The following CRACR2A variants were observed in gnomAD, a reference collection of about 807,000 sequenced individuals.
The protein encoded by CRACR2A is calcium release activated channel regulator 2A, also known as EF-hand calcium-binding domain-containing protein 4B.
In CRACR2A, 79 loss-of-function variants were observed where a neutral mutation model predicts 90.5. The observed-to-expected ratio is 0.87, with a 90% CI of 0.73 to 1.05. The LOEUF (loss-of-function observed/expected upper bound fraction) is 1.05. CRACR2A is among the 50% of genes least tolerant of loss of function. CRACR2A has a pLI of 0.00. For synonymous variants in CRACR2A, 338 were observed against 356.7 expected (o/e 0.95, Z 0.59); for missense variants, 823 against 897.2 (o/e 0.92, Z 1.06).
At chr12:3,694,666 GTTC>G (rs555403275) in intron 4 of CRACR2A, among the ~76,000 whole-genome samples, 2 of 152,290 alleles carry the variant, frequency 1.3e-5, no homozygotes, top group Middle Eastern at 3.4e-3. Context: ...GAAGCCTGTT[GTTC>G]TTCTTCTTCA....
intron 3 of CRACR2A, among the ~76,000 whole-genome samples, chr12:3,700,065 T>C (rs1945811803): frequency 6.6e-6 from 1 of 152,166 alleles, no homozygotes; most frequent in South Asian, 2.1e-4. Flanking sequence ...AGGATGGTGA[T>C]CCTTAAGCAG....
At chr12:3,710,613 T>G (rs897419900) in intron 3 of CRACR2A, among the ~76,000 whole-genome samples, 7 of 151,824 alleles carry the variant, frequency 4.6e-5, no homozygotes, top group African/African-American at 1.7e-4. Context: ...GCCAACATGG[T>G]GAAACCCCGT....
At position 3,654,315 on chromosome 12, in the gene CRACR2A, G is replaced by C. The variant is rs1219681517; in HGVS notation, c.943C>G (p.Leu315Val). 1.2e-6 allele frequency: 2 copies of C among 1,613,950 alleles called. No individual in the cohort carries two copies. The highest frequency in any genetic ancestry group is 1.7e-6 in the Non-Finnish European group (2 of 1,180,002). ...GAAGTCCGCTCCAGCTCCCGGGCCA[G>C]CTCCTGGTTAGTGAGTTTCAGCTTG... ...NTKLKLTNQE[L>V]ARELERTSWE... Residue 315 changes from leucine to valine, a missense_variant, in exon 10 of 20, where the codon CTG becomes GTG. Leu to Val is a conservative substitution (Grantham distance 32). Transcript: ENST00000440314.
At chr12:3,651,183 TCA>T (rs1944787702) in intron 10 of CRACR2A, among the ~76,000 whole-genome samples, 1 of 152,248 alleles carries the variant, frequency 6.6e-6, no homozygotes, top group Non-Finnish European at 1.5e-5. Flanking sequence ...ATGGAGCACT[TCA>T]CAAGCCATAC....
At chr12:3,721,102 C>T (rs73033625) in intron 2 of CRACR2A, among the ~76,000 whole-genome samples, 4,607 of 152,318 alleles carry the variant, frequency 0.03, 101 homozygotes, top group Non-Finnish European at 0.046. Context: ...AAGCAGCACG[C>T]ACCAGCACAG....
chr12:3,724,427 G>A (rs1008608718), intron 2 of CRACR2A, among the ~76,000 whole-genome samples: 11 of 152,196 alleles, frequency 7.2e-5, no homozygotes, highest in East Asian at 5.8e-4. Context: ...ATGGATCTGC[G>A]CTTCATCATG....
At chr12:3,750,223 C>T (rs1591731852) in intron 1 of CRACR2A, among the ~76,000 whole-genome samples, 1 of 150,076 alleles carries the variant, frequency 6.7e-6, no homozygotes, top group East Asian at 1.9e-4. Context: ...GTGTGAGCCA[C>T]CAAGCCTGGC....
chr12:3,739,692 T>C (rs1295857248), intron 1 of CRACR2A, among the ~76,000 whole-genome samples: 1 of 152,064 alleles, frequency 6.6e-6, no homozygotes, highest in Non-Finnish European at 1.5e-5. Flanking sequence ...TCCCAGCACT[T>C]TGGGAGGCCG....
At chr12:3,704,517 T>C (rs1945885488) in intron 3 of CRACR2A, among the ~76,000 whole-genome samples, 2 of 152,192 alleles carry the variant, frequency 1.3e-5, no homozygotes, top group South Asian at 4.1e-4. Flanking sequence ...TATACACATA[T>C]ACAAATGTAT....
chr12:3,700,945 C>T (rs932106717), intron 3 of CRACR2A, among the ~76,000 whole-genome samples: 1 of 152,096 alleles, frequency 6.6e-6, no homozygotes, highest in African/African-American at 2.4e-5. Flanking sequence ...CAAGATAATC[C>T]ATATTCTGGG....
At chr12:3,704,713 C>A (rs1945889545) in intron 3 of CRACR2A, among the ~76,000 whole-genome samples, 1 of 152,208 alleles carries the variant, frequency 6.6e-6, no homozygotes, top group South Asian at 2.1e-4. Flanking sequence ...CTGTCTTTTA[C>A]ATTCAACTCT....
intron 17 of CRACR2A, among the ~76,000 whole-genome samples, chr12:3,621,476 AC>A (rs1352802584): frequency 1.3e-5 from 2 of 148,792 alleles, no homozygotes; most frequent in South Asian, 4.3e-4. Context: ...AGATGGTGAA[AC>A]CCTGTCTCTA....
At chr12:3,650,869 G>C (rs1944782824) in intron 10 of CRACR2A, among the ~76,000 whole-genome samples, 1 of 152,140 alleles carries the variant, frequency 6.6e-6, no homozygotes, top group Non-Finnish European at 1.5e-5. Flanking sequence ...TACAGGTACT[G>C]TTCTATTTGT....
At chr12:3,738,548 C>G (rs910485746) in intron 1 of CRACR2A, among the ~76,000 whole-genome samples, 1 of 152,066 alleles carries the variant, frequency 6.6e-6, no homozygotes, top group South Asian at 2.1e-4. Context: ...GAGAAACAGA[C>G]AGTAAACTGG....
At chr12:3,696,743 T>C in intron 4 of CRACR2A, 29 bp downstream of exon 4, 1 of 1,613,454 alleles carries the variant, frequency 6.2e-7, no homozygotes, top group Non-Finnish European at 8.5e-7. Context: ...GCATTCTCAG[T>C]GGGCAGGCCT....
intron 12 of CRACR2A, among the ~76,000 whole-genome samples, chr12:3,642,793 C>T (rs2137386691): frequency 6.6e-6 from 1 of 152,294 alleles, no homozygotes; most frequent in East Asian, 1.9e-4. Flanking sequence ...GCCTATGCTC[C>T]CTGACAGATG....
At position 3,656,395 on chromosome 12, in the gene CRACR2A, C is replaced by A; in HGVS notation, c.774G>T (p.Arg258Ser). 1 of 1,614,112 alleles carries A rather than the reference C, an allele frequency of 6.2e-7. No homozygotes were observed. The highest frequency in any genetic ancestry group is 8.5e-7 in the Non-Finnish European group (1 of 1,180,024). The change falls in exon 9 of 20, where the codon AGG becomes AGT. Residue 258 changes from arginine to serine, a missense_variant. Coordinates refer to ENST00000440314, the MANE Select transcript of CRACR2A (RefSeq NM_001144958.2). Reference sequence around the variant, plus strand: ...CCAGCTCTTGACTGCGGGCTTGAAACCTCTCTGTGTCCTGCCAAGCCAGAA... The same window carrying A: ...CCAGCTCTTGACTGCGGGCTTGAAAACTCTCTGTGTCCTGCCAAGCCAGAA... ...KEQFLLKDTE[R>S]FQARSQELEQ...
At chr12:3,640,758 G>A (rs1345704004) in intron 13 of CRACR2A, 2 of 1,305,364 alleles carry the variant, frequency 1.5e-6, no homozygotes, top group South Asian at 1.2e-5. Flanking sequence ...GAGTCGGGAT[G>A]CCTCTATCTC....
chr12:3,656,325 G>C lies in CRACR2A; in HGVS notation c.844C>G (p.Gln282Glu), dbSNP rs1445855890. ...TGGCAACATACCCTTTTCTGCTTCT[G>C]GGTGAGCTGCTCCAGCTCCTGCTCC... ...CKEQELEQLT[Q>E]KQKRLEGQCT... The change falls in exon 9 of 20, where the codon CAG becomes GAG. Residue 282 changes from glutamine (Q) to glutamate (E), a missense_variant. Gln to Glu is a conservative substitution (Grantham distance 29, BLOSUM62 2). Coordinates refer to ENST00000440314, the MANE Select transcript of CRACR2A (RefSeq NM_001144958.2). The C allele has an allele frequency of 4.3e-6, 7 of 1,614,010 alleles. No homozygotes were observed. The highest frequency in any genetic ancestry group is 5.9e-6 in the Non-Finnish European group (7 of 1,180,046).
Sources: gnomAD v4.1 joint callset for allele counts (sites outside exome capture counted in the v4.1 genomes callset) on GRCh38, gnomAD v4.1.1 for gene constraint, MANE v1.5 for transcripts, NCBI Gene and HGNC (gene_info 2026-07-23, HGNC 2026-07-21) for gene names.